MACROD2: variants seen among roughly 807,000 people sequenced by gnomAD.
MACROD2 encodes the protein ADP-ribose glycohydrolase MACROD2.
Under a neutral mutation model 70.4 loss-of-function variants are expected in MACROD2, and 36 were observed. The observed-to-expected ratio is 0.51, with a 90% CI of 0.39 to 0.68. The LOEUF (loss-of-function observed/expected upper bound fraction) is 0.68. Ranked by LOEUF, MACROD2 falls within the 30% of genes least tolerant of loss-of-function variation. MACROD2 has a pLI of 0.00. For synonymous variants in MACROD2, 172 were observed against 178.8 expected, an observed-to-expected ratio of 0.96 and a Z score of 0.30; for missense variants, 496 against 538.4, an observed-to-expected ratio of 0.92 and a Z score of 0.78.
At chr20:15,726,230 C>T (rs2050860993) in intron 8 of MACROD2, among the ~76,000 whole-genome samples, 1 of 152,264 alleles carries the variant, frequency 6.6e-6, no homozygotes, top group Admixed American at 6.5e-5. Flanking sequence ...TTGCCCCCAG[C>T]TTGATCCATG....
rs568921409 is a variant in MACROD2 at position 15,777,496 on chromosome 20, T to C, written c.646-85249T>C. ...ACAGAGCCAAGTTGATTCTTTTTTT[T>C]CCTTCCTTCCTTCTTTCCTTCCTTC... On this transcript the variant is annotated intron_variant, in intron 8 of 17. Coordinates refer to ENST00000684519, the MANE Select transcript of MACROD2 (RefSeq NM_001351661.2). Among the ~76,000 whole-genome samples the C allele has an allele frequency of 5.2e-5, 4 of 76,730 alleles. No homozygotes were observed. The South Asian group carries it at 1.1e-3, about 21-fold the overall frequency. 50.3% of individuals were successfully genotyped at this position (76,730 alleles called of 152,430 possible).
At chr20:14,749,702 A>G (rs1600623248) in intron 5 of MACROD2, among the ~76,000 whole-genome samples, 1 of 152,270 alleles carries the variant, frequency 6.6e-6, no homozygotes, top group South Asian at 2.1e-4. Flanking sequence ...TTCTCAAATA[A>G]TGACTTCATT....
chr20:16,006,617 A>G (rs1025981556), intron 15 of MACROD2, among the ~76,000 whole-genome samples: 7 of 152,188 alleles, frequency 4.6e-5, no homozygotes, highest in African/African-American at 1.4e-4. Context: ...GGAGTGGAGT[A>G]GTGCTTAAGT....
intron 8 of MACROD2, among the ~76,000 whole-genome samples, chr20:15,545,257 A>G (rs2048011428): frequency 6.6e-6 from 1 of 152,236 alleles, no homozygotes; most frequent in Non-Finnish European, 1.5e-5. Flanking sequence ...TGGTGTGAGA[A>G]CAGCCTTCTT....
intron 3 of MACROD2, among the ~76,000 whole-genome samples, chr20:14,369,647 G>T (rs973189036): frequency 2.6e-5 from 4 of 152,096 alleles, no homozygotes; most frequent in Non-Finnish European, 5.9e-5. Context: ...TTTACTTTCA[G>T]GGCTTTAGTT....
intron 5 of MACROD2, among the ~76,000 whole-genome samples, chr20:15,161,039 G>T (rs2076344735): frequency 6.6e-6 from 1 of 152,056 alleles, no homozygotes; most frequent in African/African-American, 2.4e-5. Context: ...AAGGTGTAAG[G>T]AGCAGTAGAA....
chr20:15,093,370 C>T (rs1036255604), intron 5 of MACROD2, among the ~76,000 whole-genome samples: 1 of 152,104 alleles, frequency 6.6e-6, no homozygotes, highest in African/African-American at 2.4e-5. Context: ...GGTCCTTTTC[C>T]ATTGTCCTTT....
chr20:15,290,382 T>G (rs2077530895), intron 6 of MACROD2, among the ~76,000 whole-genome samples: 1 of 152,134 alleles, frequency 6.6e-6, no homozygotes, highest in Non-Finnish European at 1.5e-5. Context: ...GAGTGTTGAT[T>G]TGGAGGGGGG....
intron 6 of MACROD2, among the ~76,000 whole-genome samples, chr20:15,318,362 A>G (rs1437885712): frequency 2.6e-5 from 4 of 152,132 alleles, no homozygotes; most frequent in Admixed American, 2.6e-4. Flanking sequence ...GAAAAGCCTA[A>G]GACCAGATGG....
chr20:14,420,206 C>T (rs975036893), intron 3 of MACROD2, among the ~76,000 whole-genome samples: 3 of 150,940 alleles, frequency 2.0e-5, no homozygotes, highest in Middle Eastern at 3.4e-3. Flanking sequence ...ATAGAACTAC[C>T]ATAAGACCTA....
intron 7 of MACROD2, among the ~76,000 whole-genome samples, chr20:15,482,631 A>G (rs1456424677): frequency 2.0e-5 from 3 of 152,206 alleles, no homozygotes; most frequent in Non-Finnish European, 4.4e-5. Context: ...TGAGTTTTGT[A>G]AGAAACTGAC....
chr20:14,484,297 AT>A (rs1161550561), intron 3 of MACROD2, among the ~76,000 whole-genome samples: 1 of 151,694 alleles, frequency 6.6e-6, no homozygotes, highest in African/African-American at 2.4e-5. Context: ...TTAATTTTTA[AT>A]TTTTGTGGGT....
intron 2 of MACROD2, among the ~76,000 whole-genome samples, chr20:14,044,885 G>A (rs934558662): frequency 6.6e-6 from 1 of 152,166 alleles, no homozygotes; most frequent in African/African-American, 2.4e-5. Flanking sequence ...AGGGAGTGGC[G>A]CTCGGGGAGG....
At chr20:14,354,957 A>G (rs2083158859) in intron 3 of MACROD2, among the ~76,000 whole-genome samples, 1 of 152,162 alleles carries the variant, frequency 6.6e-6, no homozygotes, top group Non-Finnish European at 1.5e-5. Context: ...TGCTGCAAAG[A>G]TATGATTTCA....
chr20:14,738,963 C>T (rs1045494517), intron 5 of MACROD2, among the ~76,000 whole-genome samples: 2 of 151,806 alleles, frequency 1.3e-5, no homozygotes, highest in Non-Finnish European at 2.9e-5. Context: ...TAAAAATACA[C>T]AAGTGGAATT....
chr20:15,315,404 A>G (rs2077798963), intron 6 of MACROD2, among the ~76,000 whole-genome samples: 1 of 152,222 alleles, frequency 6.6e-6, no homozygotes, highest in Non-Finnish European at 1.5e-5. Context: ...CATTATAACC[A>G]AACTGTTAAA....
chr20:14,066,791 CTGT>C lies in MACROD2; in HGVS notation c.164-18825_164-18823del, dbSNP rs1200350156. ...GACTGATAAGGCAAAATTATGAATG[CTGT>C]TGTTTTAGTGATTTTTTTTTTTTTT... On this transcript the variant is annotated intron_variant, in intron 2 of 17. Transcript: ENST00000684519. Among the ~76,000 whole-genome samples, 27 of 147,764 alleles carry C rather than the reference CTGT, an allele frequency of 1.8e-4. 1 individual carries two copies. Among genetic ancestry groups the C allele is most frequent in the Admixed American group, 1.4e-3 (20 of 14,700 alleles).
chr20:14,026,043 A>G (rs944391766), intron 2 of MACROD2, among the ~76,000 whole-genome samples: 10 of 152,178 alleles, frequency 6.6e-5, no homozygotes, highest in Non-Finnish European at 1.0e-4. Flanking sequence ...TTGGGTTCAT[A>G]TATATTTAGC....
At chr20:15,054,653 T>A (rs1230059262) in intron 5 of MACROD2, among the ~76,000 whole-genome samples, 2 of 152,178 alleles carry the variant, frequency 1.3e-5, no homozygotes, top group East Asian at 1.9e-4. Flanking sequence ...ATTGAACATG[T>A]TAATATTGCT....
Sources: allele counts gnomAD v4.1 joint callset (sites outside exome capture counted in the v4.1 genomes callset), GRCh38; gene constraint gnomAD v4.1.1; transcripts MANE v1.5; gene names NCBI Gene and HGNC (gene_info 2026-07-23, HGNC 2026-07-21).